Variants in NIBAN2 observed in about 807,000 individuals in gnomAD.
NIBAN2 encodes the protein protein Niban 2.
Under a neutral mutation model 81.8 loss-of-function variants are expected in NIBAN2, and 36 were observed. The observed-to-expected ratio is 0.44, with a 90% confidence interval of 0.34 to 0.58. NIBAN2 has a LOEUF of 0.58. Ranked by LOEUF, NIBAN2 falls within the 20% of genes least tolerant of loss-of-function variation. The pLI, the probability that NIBAN2 is intolerant of heterozygous loss-of-function variation, is 0.02. For synonymous variants in NIBAN2, 445 were observed against 441.6 expected, an observed-to-expected ratio of 1.01 and a Z score of -0.10; for missense variants, 897 against 1,014.1, an observed-to-expected ratio of 0.88 and a Z score of 1.57.
At chr9:127,527,511 A>T (rs565339393) in intron 2 of NIBAN2, among the ~76,000 whole-genome samples, 189 bp from the exon 3 acceptor site, 155 of 152,250 alleles carry the variant, frequency 1.0e-3, no homozygotes, top group African/African-American at 3.6e-3. Flanking sequence ...GCAGAGGAGG[A>T]GCGAGACTCG....
At chr9:127,551,677 T>C (rs947952974) in intron 1 of NIBAN2, among the ~76,000 whole-genome samples, 34 of 151,818 alleles carry the variant, frequency 2.2e-4, no homozygotes, top group African/African-American at 8.0e-4. Context: ...ATCACGTCAC[T>C]GCACTCCAGC....
chr9:127,544,034 G>A (rs1402654011), intron 1 of NIBAN2, among the ~76,000 whole-genome samples: 1 of 152,164 alleles, frequency 6.6e-6, no homozygotes, highest in African/African-American at 2.4e-5. Context: ...TACTACACAG[G>A]GAAGAGCAAA....
chr9:127,552,488 G>A (rs1837594198), intron 1 of NIBAN2, among the ~76,000 whole-genome samples: 1 of 151,988 alleles, frequency 6.6e-6, no homozygotes. Flanking sequence ...GAGGTGGGAG[G>A]ATTGCTTGAG....
intron 5 of NIBAN2, among the ~76,000 whole-genome samples, chr9:127,523,120 CCT>C (rs1306309243): frequency 2.2e-5 from 3 of 139,166 alleles, no homozygotes; most frequent in African/African-American, 8.1e-5. Context: ...GCAATGAGGC[CCT>C]GAGGGAGGCA....
At chr9:127,524,346 T>C (rs185305301) in intron 4 of NIBAN2, among the ~76,000 whole-genome samples, 2 of 152,298 alleles carry the variant, frequency 1.3e-5, no homozygotes, top group African/African-American at 2.4e-5. Flanking sequence ...AGATAACTGG[T>C]CCTGGGCTGT....
intron 1 of NIBAN2, among the ~76,000 whole-genome samples, chr9:127,541,355 C>T (rs960930313): frequency 1.5e-4 from 23 of 152,244 alleles, no homozygotes; most frequent in African/African-American, 5.5e-4. Context: ...CAGCACGGCA[C>T]TGCACATGCA....
chr9:127,547,824 C>T lies in NIBAN2; in HGVS notation c.56-16046G>A, dbSNP rs60413674. Among the ~76,000 whole-genome samples, 518 of 152,146 alleles carry T rather than the reference C, an allele frequency of 3.4e-3. 1 individual carries two copies. Among genetic ancestry groups the T allele is most frequent in the African/African-American group, 0.012 (486 of 41,498 alleles). ...TGCACTCCAGCCTGGGCAACAAGAG[C>T]GAAACTCCACCTCAAAAACAAAAAA... On this transcript the variant is annotated intron_variant, in intron 1 of 13. Coordinates refer to ENST00000373312, the MANE Select transcript of NIBAN2 (RefSeq NM_022833.4).
chr9:127,540,763 G>A (rs1158916258), intron 1 of NIBAN2, among the ~76,000 whole-genome samples: 1 of 152,238 alleles, frequency 6.6e-6, no homozygotes, highest in East Asian at 1.9e-4. Flanking sequence ...GTCCACCATG[G>A]GGGCTGCACG....
At chr9:127,533,029 G>A (rs1837212900) in intron 1 of NIBAN2, among the ~76,000 whole-genome samples, 1 of 152,004 alleles carries the variant, frequency 6.6e-6, no homozygotes, top group African/African-American at 2.4e-5. Context: ...ATGGTGGCGG[G>A]TACCTGTAAT....
intron 1 of NIBAN2, among the ~76,000 whole-genome samples, chr9:127,550,054 C>T (rs375431957): frequency 2.0e-5 from 3 of 152,282 alleles, no homozygotes; most frequent in African/African-American, 4.8e-5. Flanking sequence ...GAGTGGGGAC[C>T]GCCTCAGTGT....
At chr9:127,557,180 G>A (rs114296085) in intron 1 of NIBAN2, among the ~76,000 whole-genome samples, 121 of 152,300 alleles carry the variant, frequency 7.9e-4, no homozygotes, top group African/African-American at 2.8e-3. Flanking sequence ...AGCCTACCAG[G>A]AGTGGGGCTA....
chr9:127,526,517 G>A (rs1232452302), intron 3 of NIBAN2, among the ~76,000 whole-genome samples: 2 of 152,098 alleles, frequency 1.3e-5, no homozygotes, highest in African/African-American at 4.8e-5. Context: ...TGATTTGGAC[G>A]TGCTACCAGT....
intron 1 of NIBAN2, among the ~76,000 whole-genome samples, chr9:127,543,313 A>C (rs1837415101): frequency 6.6e-6 from 1 of 152,148 alleles, no homozygotes; most frequent in Admixed American, 6.5e-5. Context: ...CCCGGACAAC[A>C]GCTGCAGGAA....
chr9:127,527,876 G>A (rs556206423), intron 2 of NIBAN2, among the ~76,000 whole-genome samples: 1 of 152,250 alleles, frequency 6.6e-6, no homozygotes, highest in Admixed American at 6.5e-5. Flanking sequence ...TCTGATGGCT[G>A]ATGAGACGCC....
intron 1 of NIBAN2, among the ~76,000 whole-genome samples, chr9:127,575,603 C>T (rs1189447778): frequency 6.8e-6 from 1 of 147,316 alleles, no homozygotes; most frequent in East Asian, 2.0e-4. Context: ...GATCTCTGCT[C>T]ACTGCAACCT....
At chr9:127,551,469 G>A (rs1176276861) in intron 1 of NIBAN2, among the ~76,000 whole-genome samples, 1 of 152,140 alleles carries the variant, frequency 6.6e-6, no homozygotes. Flanking sequence ...GTTGCAGTGA[G>A]TAGAGATTGC....
At position 127,531,640 on chromosome 9, in the gene NIBAN2, C is replaced by A. The variant is rs1837182358; in HGVS notation, c.186+8G>T. ...AGAACATACCCGAGCCCTCCCAGCA[C>A]CTCTCACCTTGCGCCAGAGCAGCTG... On this transcript the variant is annotated splice_region_variant and intron_variant, in intron 2 of 13. Transcript: ENST00000373312. The A allele has an allele frequency of 8.1e-6, 13 of 1,612,218 alleles. No homozygotes were observed. Among genetic ancestry groups the A allele is most frequent in the Non-Finnish European group, 1.1e-5 (13 of 1,179,890 alleles).
chr9:127,541,350 C>T (rs904188455), intron 1 of NIBAN2, among the ~76,000 whole-genome samples: 5 of 152,214 alleles, frequency 3.3e-5, no homozygotes, highest in South Asian at 2.1e-4. Flanking sequence ...GTGCCCAGCA[C>T]GGCACTGCAC....
chr9:127,539,782 G>A (rs1336127082), intron 1 of NIBAN2, among the ~76,000 whole-genome samples: 2 of 152,168 alleles, frequency 1.3e-5, no homozygotes, highest in South Asian at 2.1e-4. Context: ...AAGGACCCGG[G>A]GGGAGAACTA....
Sources: gnomAD v4.1 joint callset for allele counts (sites outside exome capture counted in the v4.1 genomes callset) on GRCh38, gnomAD v4.1.1 for gene constraint, MANE v1.5 for transcripts, NCBI Gene and HGNC (gene_info 2026-07-23, HGNC 2026-07-21) for gene names.